MTAP: variants seen among roughly 807,000 people sequenced by gnomAD.
The protein encoded by MTAP is S-methyl-5'-thioadenosine phosphorylase.
A neutral mutation model predicts 33.6 loss-of-function variants in MTAP; 33 were observed. That is an observed-to-expected ratio of 0.98 (90% confidence interval 0.74 to 1.31). MTAP has a LOEUF of 1.31. Ranked by LOEUF, MTAP falls within the 40% of genes most tolerant of loss-of-function variation. The pLI, the probability that MTAP is intolerant of heterozygous loss-of-function variation, is 0.00. For synonymous variants in MTAP, 148 were observed against 125.7 expected (o/e 1.18, Z -1.19); for missense variants, 367 against 360.0 (o/e 1.02, Z -0.16).
At chr9:21,847,902 A>G (rs1185183293) in intron 5 of MTAP, among the ~76,000 whole-genome samples, 1 of 152,218 alleles carries the variant, frequency 6.6e-6, no homozygotes, top group Non-Finnish European at 1.5e-5. Context: ...CTACTGTTAA[A>G]GTGAGAGCAT....
At chr9:21,850,214 G>T (rs1377046432) in intron 5 of MTAP, among the ~76,000 whole-genome samples, 4 of 152,178 alleles carry the variant, frequency 2.6e-5, no homozygotes, top group Admixed American at 2.6e-4. Flanking sequence ...AAAATTCAGG[G>T]ACCTTCTACC....
intron 1 of MTAP, among the ~76,000 whole-genome samples, chr9:21,806,565 GTAATT>G (rs934624240): frequency 1.3e-5 from 2 of 151,758 alleles, no homozygotes; most frequent in Non-Finnish European, 2.9e-5. Context: ...TGGAGTGAGA[GTAATT>G]CAAGCAATCT....
chr9:21,859,420 C>G lies in MTAP; in HGVS notation c.808C>G (p.Leu270Val), dbSNP rs763349310. The change falls in exon 7 of 8, where the codon CTG becomes GTG. Residue 270 changes from leucine (L) to valine (V), a missense_variant. Leu to Val is a conservative substitution (Grantham distance 32, BLOSUM62 1). Transcript: ENST00000644715. ...AGAATGGTCAGAAACCCTCCATAACCTGAAGGTAAGTGTCAGCCATGGACA... is the reference window on the plus strand; with the variant it reads ...AGAATGGTCAGAAACCCTCCATAACGTGAAGGTAAGTGTCAGCCATGGACA... ...STEWSETLHNLKNMAQFSVLL... is the reference protein window; with the variant it reads ...STEWSETLHNVKNMAQFSVLL... 6.2e-7 allele frequency: 1 copy of G among 1,610,232 alleles called. No homozygotes were observed. Among genetic ancestry groups the G allele is most frequent in the East Asian group, 2.2e-5 (1 of 44,776 alleles).
At position 21,864,290 on chromosome 9, in the gene MTAP, G is replaced by A. The variant is rs2118598910; in HGVS notation, c.*2276G>A. 1 of 984,998 alleles carries A rather than the reference G, an allele frequency of 1.0e-6. No individual in the cohort carries two copies. 61.0% of individuals were successfully genotyped at this position (984,998 alleles called of 1,614,324 possible). On this transcript the variant is annotated 3_prime_UTR_variant, in exon 8 of 8. Coordinates refer to ENST00000644715, the MANE Select transcript of MTAP (RefSeq NM_002451.4). ...CAATATAATTTTCCTCATACCTTAT[G>A]CTTGAGGATATTGTTGAAGAACACT...
At chr9:21,898,014 G>A (rs1339851813) in intron 1 of MTAP, among the ~76,000 whole-genome samples, 4 of 152,116 alleles carry the variant, frequency 2.6e-5, no homozygotes, top group Non-Finnish European at 5.9e-5. Context: ...AAACAGCATG[G>A]TACTGGTACC....
intron 4 of MTAP, among the ~76,000 whole-genome samples, chr9:21,837,370 G>A (rs189359301): frequency 3.2e-4 from 49 of 152,248 alleles, no homozygotes; most frequent in Non-Finnish European, 5.6e-4. Context: ...TTTGGACCCT[G>A]AAACTAACAA....
intron 1 of MTAP, among the ~76,000 whole-genome samples, chr9:21,885,654 G>A (rs1293607099): frequency 6.6e-6 from 1 of 152,024 alleles, no homozygotes; most frequent in Non-Finnish European, 1.5e-5. Context: ...AGCTCTAAGT[G>A]AGAGCATATG....
chr9:21,839,308 AT>A (rs1347854941), intron 5 of MTAP, among the ~76,000 whole-genome samples: 1 of 151,890 alleles, frequency 6.6e-6, no homozygotes, highest in Non-Finnish European at 1.5e-5. Flanking sequence ...CACATAATAG[AT>A]TTGCTATCCT....
chr9:21,843,599 C>G lies in MTAP; in HGVS notation c.450+5589C>G, dbSNP rs926903031. Among the ~76,000 whole-genome samples, 12 of 152,260 alleles carry G rather than the reference C, an allele frequency of 7.9e-5. 1 individual carries two copies. In the South Asian group the frequency reaches 8.3e-4, roughly 11 times the overall value. ...GGAAATTAACTCCAAGAAGAATCCT[C>G]AAAACTATACAAATACTTGGAAATG... On this transcript the variant is annotated intron_variant, in intron 5 of 7. Transcript: ENST00000644715.
At chr9:21,940,627 A>G (rs1283670472), downstream of MTAP, among the ~76,000 whole-genome samples, 2 of 152,192 alleles carry the variant, frequency 1.3e-5, no homozygotes, top group East Asian at 3.9e-4. Flanking sequence ...TACTAGGACA[A>G]TTAACGGGAA....
chr9:21,858,081 A>G (rs909486782), intron 6 of MTAP, among the ~76,000 whole-genome samples: 22 of 152,204 alleles, frequency 1.4e-4, no homozygotes, highest in African/African-American at 5.3e-4. Flanking sequence ...TTAGCAGCCA[A>G]TCCATTAATT....
intron 1 of MTAP, among the ~76,000 whole-genome samples, chr9:21,872,239 C>T (rs538915914): frequency 6.6e-6 from 1 of 152,302 alleles, no homozygotes; most frequent in East Asian, 1.9e-4. Context: ...ATAGCTTGAA[C>T]CCAGAAGGCG....
At position 21,864,956 on chromosome 9, in the gene MTAP, C is replaced by G. The variant is rs1311212938; in HGVS notation, c.*2942C>G. The G allele has an allele frequency of 1.0e-6, 1 of 985,434 alleles. No individual in the cohort carries two copies. Among genetic ancestry groups the G allele is most frequent in the Non-Finnish European group, 1.2e-6 (1 of 829,930 alleles). The allele number at this position is 985,434 out of a possible 1,614,324, so 61.0% of individuals were successfully genotyped here. A position where few individuals can be genotyped will look rare whatever the true frequency, so the allele number is the denominator to read the frequency against. On this transcript the variant is annotated 3_prime_UTR_variant, in exon 8 of 8. Transcript: ENST00000644715. ...CTGAACATGTTTTTAATTTTCTCAA[C>G]AAGCATTTAGCCAGCACTTATCCAG...
intron 5 of MTAP, among the ~76,000 whole-genome samples, chr9:21,849,395 T>C (rs936615772): frequency 5.9e-5 from 9 of 152,242 alleles, no homozygotes; most frequent in Admixed American, 2.6e-4. Flanking sequence ...AGTAGGGGCT[T>C]ATGAAAGTCA....
intron 6 of MTAP, among the ~76,000 whole-genome samples, chr9:21,855,648 G>A (rs1036587708): frequency 6.6e-6 from 1 of 152,158 alleles, no homozygotes; most frequent in African/African-American, 2.4e-5. Context: ...GGCAGGGAAG[G>A]CAGCAGGATC....
At chr9:21,824,850 CT>C (rs1465462466) in intron 4 of MTAP, among the ~76,000 whole-genome samples, 1 of 152,072 alleles carries the variant, frequency 6.6e-6, no homozygotes, top group African/African-American at 2.4e-5. Flanking sequence ...TGATCTCAGG[CT>C]GCTGTGCTAG....
intron 7 of MTAP, 105 bp from the exon 8 acceptor site, chr9:21,861,871 C>T (rs529366343): frequency 2.5e-6 from 2 of 786,066 alleles, no homozygotes; most frequent in Admixed American, 4.0e-5. Context: ...ATGTTTCCTG[C>T]GTCCTCACTT....
At chr9:21,905,265 G>C (rs937240972) in intron 1 of MTAP, among the ~76,000 whole-genome samples, 27 of 152,086 alleles carry the variant, frequency 1.8e-4, no homozygotes, top group Admixed American at 8.5e-4. Flanking sequence ...TCAGCAGATG[G>C]GTGGTGAGCC....
intron 1 of MTAP, among the ~76,000 whole-genome samples, chr9:21,880,542 C>G (rs1051962966): frequency 2.2e-4 from 33 of 152,094 alleles, no homozygotes; most frequent in Admixed American, 1.8e-3. Context: ...AACTAATAAA[C>G]AAGCTCAGCA....
Sources: allele counts gnomAD v4.1 joint callset (sites outside exome capture counted in the v4.1 genomes callset), GRCh38; gene constraint gnomAD v4.1.1; transcripts MANE v1.5; gene names NCBI Gene and HGNC (gene_info 2026-07-23, HGNC 2026-07-21).